DLEC1: variants seen among roughly 807,000 people sequenced by gnomAD.
The protein encoded by DLEC1 is deleted in lung and esophageal cancer protein 1.
DLEC1 carries 146 observed loss-of-function variants against 198.1 expected under a neutral mutation model. The ratio of observed to expected loss-of-function variants is 0.74; its 90% CI spans 0.64 to 0.85. DLEC1 has a LOEUF of 0.85. Among genes scored for constraint, DLEC1 ranks in the 40% least tolerant of loss-of-function variants. DLEC1 has a pLI of 0.00. For missense variants in DLEC1, 2,233 were observed against 2,220.0 expected, an observed-to-expected ratio of 1.01 and a Z score of -0.12; for synonymous variants, 897 against 866.8, an observed-to-expected ratio of 1.03 and a Z score of -0.61.
At chr3:38,049,714 G>T (rs1701026243) in intron 2 of DLEC1, among the ~76,000 whole-genome samples, 1 of 152,230 alleles carries the variant, frequency 6.6e-6, no homozygotes, top group Non-Finnish European at 1.5e-5. Flanking sequence ...ATAACCTGGG[G>T]CAGGACTGTG....
In DLEC1 at chr3:38,116,640, C is replaced by A; in HGVS notation, c.4044C>A (p.Ser1348Arg). 6.2e-7 allele frequency: 1 copy of A among 1,614,102 alleles called. No homozygotes were observed. The highest frequency in any genetic ancestry group is 8.5e-7 in the Non-Finnish European group (1 of 1,179,968). ...GCCCCTCCAGTTCATCGGAATTCAG[C>A]CATGAAACTGACTCATCAGTGAGCA... ...SPGPSSSSEFSHETDSSVEGS... is the reference protein window; with the variant it reads ...SPGPSSSSEFRHETDSSVEGS... Residue 1348 changes from serine to arginine, a missense_variant, in exon 28 of 37, where the codon AGC becomes AGA. By Grantham distance (110) the Ser-to-Arg change is moderately radical. Transcript: ENST00000308059.
intron 6 of DLEC1, among the ~76,000 whole-genome samples, chr3:38,076,830 T>A (rs1248283573): frequency 6.6e-6 from 1 of 152,140 alleles, no homozygotes; most frequent in Non-Finnish European, 1.5e-5. Context: ...TATGGAGCGA[T>A]AATGGGCGAT....
In DLEC1 at chr3:38,062,227, GAAGA is replaced by G. The variant is rs1696724193; in HGVS notation, c.737_740del (p.Lys246SerfsTer2). ...TTAGCTGTGAGAAGCGTTCCGTCCA[GAAGA>G]AAGAGCTGAACAAGAAGCTTGAAGA... is the stretch of plus-strand genomic sequence containing the variant. On this transcript the variant is annotated frameshift_variant, in exon 4 of 37. Coordinates refer to ENST00000308059, the MANE Select transcript of DLEC1 (RefSeq NM_007335.4). LOFTEE classifies it high-confidence loss of function. 1 of 1,614,100 alleles carries G rather than the reference GAAGA, an allele frequency of 6.2e-7. No individual in the cohort carries two copies. The highest frequency in any genetic ancestry group is 1.3e-5 in the African/African-American group (1 of 74,924).
At position 38,116,795 on chromosome 3, in the gene DLEC1, G is replaced by C. The variant is rs200788402; in HGVS notation, c.4085G>C (p.Ser1362Thr). 6.2e-7 allele frequency: 1 copy of C among 1,613,282 alleles called. No homozygotes were observed. Among genetic ancestry groups the C allele is most frequent in the South Asian group, 1.1e-5 (1 of 90,960 alleles). ...CAGGTTGAGGGCAGCTCCAGTGCCA[G>C]CAATAGGGTGGCACAGAAGCTCATC... Reference protein sequence around the residue: ...DSSVEGSSSASNRVAQKLISV... With the variant: ...DSSVEGSSSATNRVAQKLISV... Residue 1362 changes from serine to threonine, a missense_variant, in exon 29 of 37, where the codon AGC becomes ACC. Coordinates refer to ENST00000308059, the MANE Select transcript of DLEC1 (RefSeq NM_007335.4).
chr3:38,112,482 C>T lies in DLEC1; in HGVS notation c.3666+121C>T, dbSNP rs946990470. 4.1e-5 allele frequency: 58 copies of T among 1,409,160 alleles called. 1 individual carries two copies. The highest frequency in any genetic ancestry group is 6.6e-5 in the South Asian group (5 of 76,250). 87.3% of individuals were successfully genotyped at this position (1,409,160 alleles called of 1,614,324 possible). ...TCTCAAACCTCACCAGGTTGAAACGCGATGCCCACCGAGCTTGGGATGGGC... is the reference window on the plus strand; with the variant it reads ...TCTCAAACCTCACCAGGTTGAAACGTGATGCCCACCGAGCTTGGGATGGGC... On this transcript the variant is annotated intron_variant, in intron 25 of 36. Coordinates refer to ENST00000308059, the MANE Select transcript of DLEC1 (RefSeq NM_007335.4). The surrounding 1 kb of genome is among the most constrained non-coding windows in gnomAD (Gnocchi z 4.8).
In DLEC1 at chr3:38,117,943, C is replaced by G; in HGVS notation, c.4623C>G (p.Gly1541=). ...CGAGCCAGGACCACAGAGCTCCTGG[C>G]CCTGGCCAGAAGCAGGAGTGTGAGG... ...DGASQDHRAP[G]PGQKQECEEE... is the part of the protein sequence containing the mutation. The change falls in exon 33 of 37, where the codon GGC becomes GGG. Residue 1541 remains glycine (G), a synonymous_variant. Transcript: ENST00000308059. The G allele has an allele frequency of 1.9e-6, 3 of 1,614,094 alleles. No individual in the cohort carries two copies. Among genetic ancestry groups the G allele is most frequent in the Non-Finnish European group, 2.5e-6 (3 of 1,180,000 alleles).
chr3:38,096,790 G>A (rs367952676), intron 15 of DLEC1, 53 bp downstream of exon 15: 8 of 1,544,498 alleles, frequency 5.2e-6, no homozygotes, highest in African/African-American at 1.4e-5. Flanking sequence ...GTTGACATGA[G>A]TGCAAGTGTA....
chr3:38,097,649 G>A lies in DLEC1; in HGVS notation c.2565+12G>A. The stretch of plus-strand genomic sequence containing the variant: ...AGGCTGTCTTTAAGGTGCTGCAGGT[G>A]GAGCTGGGCAGTGGGGTGGGCCCAG... On this transcript the variant is annotated intron_variant, in intron 17 of 36. Coordinates refer to ENST00000308059, the MANE Select transcript of DLEC1 (RefSeq NM_007335.4). The A allele has an allele frequency of 3.7e-6, 6 of 1,614,196 alleles. No individual in the cohort carries two copies. Among genetic ancestry groups the A allele is most frequent in the Non-Finnish European group, 5.1e-6 (6 of 1,180,020 alleles).
At chr3:38,072,881 G>A (rs188792341) in intron 6 of DLEC1, among the ~76,000 whole-genome samples, 10 of 152,224 alleles carry the variant, frequency 6.6e-5, no homozygotes, top group African/African-American at 1.7e-4. Flanking sequence ...AATGTTGAAG[G>A]AGCAGAAGTG....
chr3:38,076,960 T>C (rs1015380173), intron 6 of DLEC1, among the ~76,000 whole-genome samples: 9 of 152,072 alleles, frequency 5.9e-5, no homozygotes, highest in Non-Finnish European at 5.9e-5. Context: ...AGAAGAAACA[T>C]TTGTTGTGTA....
chr3:38,065,639 A>G (rs923582737), intron 6 of DLEC1, among the ~76,000 whole-genome samples: 6 of 152,238 alleles, frequency 3.9e-5, no homozygotes, highest in Non-Finnish European at 7.3e-5. Flanking sequence ...CAGTTAATAC[A>G]TCAATTAGTA....
chr3:38,111,763 GT>G lies in DLEC1; in HGVS notation c.3514+17del, dbSNP rs1232327721. Reference sequence around the variant, plus strand: ...GAGCAGCTGGGTAAGCGCCACCAGGGTGGGGCTTCGGGGCCCAGGCCACGGC... The same window carrying G: ...GAGCAGCTGGGTAAGCGCCACCAGGGGGGGCTTCGGGGCCCAGGCCACGGC... On this transcript the variant is annotated intron_variant, in intron 24 of 36. Coordinates refer to ENST00000308059, the MANE Select transcript of DLEC1 (RefSeq NM_007335.4). 1 of 1,607,602 alleles carries G rather than the reference GT, an allele frequency of 6.2e-7. No homozygotes were observed. Among genetic ancestry groups the G allele is most frequent in the Non-Finnish European group, 8.5e-7 (1 of 1,179,346 alleles).
At chr3:38,048,460 T>C (rs1180428176) in intron 2 of DLEC1, among the ~76,000 whole-genome samples, 1 of 152,204 alleles carries the variant, frequency 6.6e-6, no homozygotes, top group East Asian at 1.9e-4. Context: ...TAAAAGGCAT[T>C]TAAACTTATG....
chr3:38,057,369 G>C (rs1696428642), intron 2 of DLEC1, among the ~76,000 whole-genome samples: 1 of 152,138 alleles, frequency 6.6e-6, no homozygotes, highest in Non-Finnish European at 1.5e-5. Flanking sequence ...GCACGAGCCT[G>C]TAGTCCCAGC....
At position 38,087,039 on chromosome 3, in the gene DLEC1, A is replaced by G. The variant is rs185006882; in HGVS notation, c.1572+662A>G. Reference sequence around the variant, plus strand: ...CAGTGAGCCGAGATCGCACCACTACACTCCAGCCTGGGCGACAGAGTGAGA... The same window carrying G: ...CAGTGAGCCGAGATCGCACCACTACGCTCCAGCCTGGGCGACAGAGTGAGA... On this transcript the variant is annotated intron_variant, in intron 9 of 36. Transcript: ENST00000308059. Among the ~76,000 whole-genome samples the G allele has an allele frequency of 3.2e-4, 47 of 148,270 alleles. 1 individual carries two copies. The East Asian group carries it at 9.1e-3, about 29-fold the overall frequency.
chr3:38,082,478 G>A (rs571840506), intron 6 of DLEC1, among the ~76,000 whole-genome samples: 53 of 152,274 alleles, frequency 3.5e-4, no homozygotes, highest in African/African-American at 8.2e-4. Context: ...CGCGGGGCCC[G>A]TCCCGGTTCG....
At chr3:38,103,257 GC>G (rs1204763063) in intron 19 of DLEC1, 4 of 152,240 alleles carry the variant, frequency 2.6e-5, no homozygotes, top group Non-Finnish European at 4.4e-5. Flanking sequence ...TGTGCCTGGG[GC>G]AGCCCACTCT....
At chr3:38,108,636 A>G in intron 21 of DLEC1, 121 bp downstream of exon 21, 1 of 764,832 alleles carries the variant, frequency 1.3e-6, no homozygotes, top group South Asian at 1.6e-5. Context: ...TGGGGAAGAG[A>G]TTTCTTGCAT....
intron 35 of DLEC1, 51 bp downstream of exon 35, chr3:38,121,832 A>G: frequency 6.3e-7 from 1 of 1,592,162 alleles, no homozygotes; most frequent in Non-Finnish European, 8.6e-7. Context: ...GGCTGTGCCA[A>G]GAGAAGACCC....
Sources: allele counts gnomAD v4.1 joint callset (sites outside exome capture counted in the v4.1 genomes callset), GRCh38; gene constraint gnomAD v4.1.1; non-coding constraint Gnocchi (gnomAD v3.1); transcripts MANE v1.5; gene names NCBI Gene and HGNC (gene_info 2026-07-23, HGNC 2026-07-21).